Variants in TBC1D23 observed in about 807,000 individuals in gnomAD.
The protein encoded by TBC1D23 is TBC1 domain family member 23.
TBC1D23 carries 55 observed loss-of-function variants against 91.4 expected under a neutral mutation model. That is an observed-to-expected ratio of 0.60 (90% CI 0.48 to 0.75). TBC1D23 has a LOEUF of 0.75. TBC1D23 is among the 30% of genes least tolerant of loss of function. The pLI, the probability that TBC1D23 is intolerant of heterozygous loss-of-function variation, is 0.00. For missense variants in TBC1D23, 725 were observed against 836.1 expected (o/e 0.87, Z 1.64); for synonymous variants, 289 against 281.0 (o/e 1.03, Z -0.28).
rs530623418 is a variant in TBC1D23 at position 100,303,192 on chromosome 3, G to T, written c.1263+955G>T. Among the ~76,000 whole-genome samples the T allele has an allele frequency of 1.5e-3, 233 of 152,152 alleles. 1 individual carries two copies. The highest frequency in any genetic ancestry group is 5.3e-3 in the African/African-American group (220 of 41,514). On this transcript the variant is annotated intron_variant, in intron 11 of 18. Transcript: ENST00000394144. ...GTTTATGTATTAAAGTCCTTACTTT[G>T]TATGGTCCTGAACTATGGAATCAGC...
intron 1 of TBC1D23, among the ~76,000 whole-genome samples, chr3:100,269,324 T>G (rs1165445457): frequency 6.6e-6 from 1 of 152,250 alleles, no homozygotes; most frequent in East Asian, 1.9e-4. Context: ...CTGGTCCTAA[T>G]GCAAAATTTT....
intron 8 of TBC1D23, 22 bp downstream of exon 8, chr3:100,296,297 A>T: frequency 7.7e-7 from 1 of 1,294,810 alleles, no homozygotes; most frequent in Non-Finnish European, 1.1e-6. Flanking sequence ...GAAATGACCA[A>T]CTATGTTGTA....
intron 10 of TBC1D23, among the ~76,000 whole-genome samples, 179 bp downstream of exon 10, chr3:100,299,510 TTTG>T (rs1705378872): frequency 6.6e-6 from 1 of 152,064 alleles, no homozygotes; most frequent in South Asian, 2.1e-4. Flanking sequence ...CTTTTGTGTT[TTTG>T]TTGTTGTTTG....
Position 100,267,298 on chromosome 3 carries a change from T to TA in TBC1D23, c.53+6230dup, listed in dbSNP as rs1485787812. On this transcript the variant is annotated intron_variant, in intron 1 of 18. Coordinates refer to ENST00000394144, the MANE Select transcript of TBC1D23 (RefSeq NM_001199198.3). The stretch of plus-strand genomic sequence containing the variant: ...AAAATCAAATTCTTTCTTGTAGAAA[T>TA]AAAGAATTTAAGAGCCACTTAAACC... 1.6e-5 allele frequency: 7 copies of TA among 430,740 alleles called. No individual in the cohort carries two copies. The East Asian group carries it at 5.1e-4, about 31-fold the overall frequency. The allele number at this position is 430,740 out of a possible 1,614,324, so 26.7% of individuals were successfully genotyped here.
chr3:100,302,177 G>A lies in TBC1D23; in HGVS notation c.1203G>A (p.Met401Ile), dbSNP rs865813958. The change falls in exon 11 of 19, where the codon ATG (methionine) becomes ATA (isoleucine). Residue 401 changes from methionine (M) to isoleucine (I), a missense_variant. Met to Ile is a conservative substitution (Grantham distance 10). Coordinates refer to ENST00000394144, the MANE Select transcript of TBC1D23 (RefSeq NM_001199198.3). ...CTGGTGGGGAGCACCTCTGTTTTATGGGCAGTGGCAGGGAGGAAGAAGACA... is the reference window on the plus strand; with the variant it reads ...CTGGTGGGGAGCACCTCTGTTTTATAGGCAGTGGCAGGGAGGAAGAAGACA... Reference protein sequence around the residue: ...SIAGGEHLCFMGSGREEEDMY... With the variant: ...SIAGGEHLCFIGSGREEEDMY... The A allele has an allele frequency of 1.2e-6, 2 of 1,613,994 alleles. No homozygotes were observed. Among genetic ancestry groups the A allele is most frequent in the Middle Eastern group, 1.7e-4 (1 of 6,058 alleles).
chr3:100,295,362 A>C lies in TBC1D23; in HGVS notation c.772+14A>C. The C allele has an allele frequency of 1.3e-6, 2 of 1,592,896 alleles. No individual in the cohort carries two copies. Among genetic ancestry groups the C allele is most frequent in the South Asian group, 1.1e-5 (1 of 87,960 alleles). ...AAGAAGTTATCAGTAAGTATCATTTAATGTAGTGAAAACATTTCAGGTCTC... is the reference window on the plus strand; with the variant it reads ...AAGAAGTTATCAGTAAGTATCATTTCATGTAGTGAAAACATTTCAGGTCTC... On this transcript the variant is annotated intron_variant, in intron 7 of 18. Transcript: ENST00000394144.
intron 10 of TBC1D23, 29 bp downstream of exon 10, chr3:100,299,360 T>G (rs1349412153): frequency 1.4e-6 from 2 of 1,418,088 alleles, no homozygotes; most frequent in African/African-American, 1.4e-5. Context: ...TAATTATTCT[T>G]AAAGTAACTT....
intron 5 of TBC1D23, 141 bp from the exon 6 acceptor site, chr3:100,294,946 C>T: frequency 2.5e-6 from 2 of 807,406 alleles, no homozygotes; most frequent in East Asian, 2.8e-5. Flanking sequence ...CTTTGGATTT[C>T]ATACACTAAG....
At chr3:100,289,220 A>C (rs904665200) in intron 4 of TBC1D23, among the ~76,000 whole-genome samples, 2 of 152,174 alleles carry the variant, frequency 1.3e-5, no homozygotes, top group African/African-American at 4.8e-5. Context: ...GTCTTAAAAA[A>C]ACAAAACAAA....
At chr3:100,265,009 G>A (rs956049686) in intron 1 of TBC1D23, among the ~76,000 whole-genome samples, 2 of 152,098 alleles carry the variant, frequency 1.3e-5, no homozygotes, top group Non-Finnish European at 2.9e-5. Flanking sequence ...TAAGTTAGCA[G>A]GGTTCTAGGT....
At chr3:100,266,821 A>G (rs140166051) in intron 1 of TBC1D23, among the ~76,000 whole-genome samples, 1 of 152,350 alleles carries the variant, frequency 6.6e-6, no homozygotes, top group African/African-American at 2.4e-5. Flanking sequence ...AGTCTTCTGG[A>G]GAGAATTGAG....
intron 5 of TBC1D23, 91 bp downstream of exon 5, chr3:100,290,792 A>G: frequency 1.7e-6 from 2 of 1,171,152 alleles, no homozygotes; most frequent in Non-Finnish European, 2.4e-6. Flanking sequence ...AAGAGAAAGA[A>G]AAGTCCTAAT....
chr3:100,305,676 A>G (rs1705505177), intron 12 of TBC1D23, among the ~76,000 whole-genome samples: 2 of 152,166 alleles, frequency 1.3e-5, no homozygotes, highest in Non-Finnish European at 2.9e-5. Context: ...GATTTTGGGA[A>G]CATTAGGATG....
At chr3:100,273,380 T>C (rs987612690) in intron 1 of TBC1D23, among the ~76,000 whole-genome samples, 2 of 151,990 alleles carry the variant, frequency 1.3e-5, no homozygotes, top group Non-Finnish European at 2.9e-5. Context: ...CAAAATGGAG[T>C]CTCCTATGTC....
At chr3:100,310,371 G>T in intron 13 of TBC1D23, 32 bp from the exon 14 acceptor site, 1 of 1,593,818 alleles carries the variant, frequency 6.3e-7, no homozygotes, top group East Asian at 2.2e-5. Flanking sequence ...TAGTCATTCA[G>T]AGGCAGTTAA....
At chr3:100,292,422 T>G (rs2067800150) in intron 5 of TBC1D23, among the ~76,000 whole-genome samples, 1 of 152,204 alleles carries the variant, frequency 6.6e-6, no homozygotes, top group Non-Finnish European at 1.5e-5. Flanking sequence ...TGAGCTTCAA[T>G]TCCTCATCTG....
intron 1 of TBC1D23, among the ~76,000 whole-genome samples, chr3:100,268,455 C>G (rs1163848940): frequency 6.6e-6 from 1 of 151,930 alleles, no homozygotes; most frequent in African/African-American, 2.4e-5. Flanking sequence ...TGGCATAGTA[C>G]CCTTGAGAAT....
At chr3:100,268,458 T>C (rs2067574788) in intron 1 of TBC1D23, among the ~76,000 whole-genome samples, 1 of 152,200 alleles carries the variant, frequency 6.6e-6, no homozygotes. Flanking sequence ...CATAGTACCC[T>C]TGAGAATTGT....
chr3:100,290,777 C>A, intron 5 of TBC1D23, 76 bp downstream of exon 5: 3 of 1,185,426 alleles, frequency 2.5e-6, no homozygotes, highest in Non-Finnish European at 3.5e-6. Context: ...TTTTTTTTTT[C>A]AAGGAAGAGA....
Sources: allele counts gnomAD v4.1 joint callset (sites outside exome capture counted in the v4.1 genomes callset), GRCh38; gene constraint gnomAD v4.1.1; transcripts MANE v1.5; gene names NCBI Gene and HGNC (gene_info 2026-07-23, HGNC 2026-07-21).